NCOA4: variants seen among roughly 807,000 people sequenced by gnomAD.
NCOA4 encodes the protein 70 kDa AR-activator.
A neutral mutation model predicts 69.5 loss-of-function variants in NCOA4; 31 were observed. That is an observed-to-expected ratio of 0.45 (90% CI 0.34 to 0.60). NCOA4 has a LOEUF of 0.60. Among genes scored for constraint, NCOA4 ranks in the 20% least tolerant of loss-of-function variants. The pLI is 0.02. For missense variants in NCOA4, 600 were observed against 719.2 expected, an observed-to-expected ratio of 0.83 and a Z score of 1.90; for synonymous variants, 228 against 252.4, an observed-to-expected ratio of 0.90 and a Z score of 0.92.
intron 1 of NCOA4, chr10:46,023,590 G>C (rs1840015279): frequency 1.1e-6 from 1 of 932,184 alleles, no homozygotes; most frequent in African/African-American, 1.8e-5. Flanking sequence ...CTCCCCGCTG[G>C]GCCTCCCTGC....
In NCOA4 at chr10:46,010,801, C is replaced by T. The variant is rs1839160369; in HGVS notation, c.1120G>A (p.Glu374Lys). The change falls in exon 8 of 10, where the codon GAG becomes AAG. Residue 374 changes from glutamate (E) to lysine (K), a missense_variant. By Grantham distance (56) the Glu-to-Lys change is moderately conservative. Coordinates refer to ENST00000581486, the MANE Select transcript of NCOA4 (RefSeq NM_001145263.2). ...GGGGTGGACAATGGTTTCTTGGCCT[C>T]CAAGTGGTCATTCAGGCACTTCAGA... Reference protein sequence around the residue: ...GNLKCLNDHLEAKKPLSTPSM... With the variant: ...GNLKCLNDHLKAKKPLSTPSM... 1 of 1,613,794 alleles carries T rather than the reference C, an allele frequency of 6.2e-7. No homozygotes were observed. The highest frequency in any genetic ancestry group is 8.5e-7 in the Non-Finnish European group (1 of 1,179,872).
rs1554921358 is a variant in NCOA4 at position 46,011,061 on chromosome 10, T to C, written c.860A>G (p.Lys287Arg). Residue 287 changes from lysine to arginine, a missense_variant, in exon 8 of 10, where the codon AAG becomes AGG. Coordinates refer to ENST00000581486, the MANE Select transcript of NCOA4 (RefSeq NM_001145263.2). Reference sequence around the variant, plus strand: ...ATCAGGAAGCTCTTGATCTCCAACCTTTTCCATTTCAATGGAGAAAGAACT... The same window carrying C: ...ATCAGGAAGCTCTTGATCTCCAACCCTTTCCATTTCAATGGAGAAAGAACT... ...TTSSFSIEME[K>R]VGDQELPDQD... is the part of the protein sequence containing the mutation. 2.0e-5 allele frequency: 32 copies of C among 1,613,932 alleles called. No homozygotes were observed. Among genetic ancestry groups the C allele is most frequent in the Middle Eastern group, 1.7e-4 (1 of 6,056 alleles).
At chr10:46,024,910 T>C (rs1327055997) in intron 1 of NCOA4, among the ~76,000 whole-genome samples, 1 of 152,300 alleles carries the variant, frequency 6.6e-6, no homozygotes. Flanking sequence ...ATAAGGCTCC[T>C]GAGTTAGGGT....
At chr10:46,007,171 TC>T (rs1326356726) in intron 9 of NCOA4, among the ~76,000 whole-genome samples, 1 of 152,186 alleles carries the variant, frequency 6.6e-6, no homozygotes, top group Non-Finnish European at 1.5e-5. Context: ...CAGCCTTATT[TC>T]TGATATGGAG....
intron 1 of NCOA4, among the ~76,000 whole-genome samples, chr10:46,017,809 G>C (rs1590168553): frequency 6.6e-6 from 1 of 152,168 alleles, no homozygotes; most frequent in South Asian, 2.1e-4. Flanking sequence ...TAACACATGA[G>C]TGTCAGTAAA....
intron 8 of NCOA4, among the ~76,000 whole-genome samples, chr10:46,009,783 C>CA (rs1839091718): frequency 6.6e-6 from 1 of 152,056 alleles, no homozygotes; most frequent in Admixed American, 6.6e-5. Context: ...GGAAAATGCA[C>CA]AAAAAAATCA....
At chr10:46,022,360 C>T (rs782563096) in intron 1 of NCOA4, 1 of 445,480 alleles carries the variant, frequency 2.2e-6, no homozygotes, top group Admixed American at 2.8e-5. Flanking sequence ...GTCTGTAAAG[C>T]TTTTAGTTTA....
intron 4 of NCOA4, 85 bp downstream of exon 4, chr10:46,014,769 C>G (rs1384869410): frequency 4.6e-6 from 5 of 1,094,182 alleles, no homozygotes; most frequent in African/African-American, 1.6e-5. Flanking sequence ...AAATATAACA[C>G]AAGCAATGAG....
chr10:46,016,486 A>C (rs1428195038), intron 2 of NCOA4, 54 bp downstream of exon 2: 4 of 1,368,066 alleles, frequency 2.9e-6, no homozygotes, highest in Non-Finnish European at 2.9e-6. Context: ...GCCATGCTCA[A>C]ATCAGCCCTG....
At chr10:46,016,790 T>C in intron 1 of NCOA4, 96 bp from the exon 2 acceptor site, 1 of 823,230 alleles carries the variant, frequency 1.2e-6, no homozygotes. Flanking sequence ...CCAACTCCCA[T>C]TACTAACTAC....
chr10:46,022,100 A>T (rs1839904533), intron 1 of NCOA4, among the ~76,000 whole-genome samples: 1 of 152,170 alleles, frequency 6.6e-6, no homozygotes, highest in Non-Finnish European at 1.5e-5. Context: ...ATTCGTCTGT[A>T]AGAATGAAAG....
At chr10:46,019,079 C>T (rs1251129111) in intron 1 of NCOA4, among the ~76,000 whole-genome samples, 5 of 152,148 alleles carry the variant, frequency 3.3e-5, no homozygotes, top group African/African-American at 9.7e-5. Context: ...CTGAACAATT[C>T]AGGAAATTTT....
chr10:46,028,987 A>G (rs1840308729), intron 1 of NCOA4, among the ~76,000 whole-genome samples: 1 of 147,518 alleles, frequency 6.8e-6, no homozygotes, highest in Admixed American at 6.8e-5. Context: ...GTTTTATGAA[A>G]CCCCTACACC....
intron 1 of NCOA4, among the ~76,000 whole-genome samples, chr10:46,022,749 G>A (rs1439257332): frequency 6.6e-6 from 1 of 152,154 alleles, no homozygotes; most frequent in African/African-American, 2.4e-5. Context: ...ACAAGCGTGA[G>A]CCACCGCGCC....
In NCOA4 at chr10:46,009,477, A is replaced by G. The variant is rs782435834; in HGVS notation, c.1773T>C (p.Cys591=). The G allele has an allele frequency of 1.9e-6, 3 of 1,612,454 alleles. No individual in the cohort carries two copies. Among genetic ancestry groups the G allele is most frequent in the Non-Finnish European group, 2.5e-6 (3 of 1,179,874 alleles). ...TAAGCTGCATACAGGCAAAGAGATC[A>G]CAAACTGCAGGGAGGCCATAATGGT... ...PPDHYGLPAV[C]DLFACMQLKV... The change falls in exon 9 of 10, where the codon TGT becomes TGC. Residue 591 remains cysteine, a synonymous_variant. Coordinates refer to ENST00000581486, the MANE Select transcript of NCOA4 (RefSeq NM_001145263.2).
intron 1 of NCOA4, among the ~76,000 whole-genome samples, chr10:46,026,741 GACTTA>G (rs1348696618): frequency 1.3e-5 from 2 of 152,118 alleles, no homozygotes; most frequent in Non-Finnish European, 2.9e-5. Flanking sequence ...AGTATTAAAA[GACTTA>G]ACTTCTCACC....
In NCOA4 at chr10:46,010,656, C is replaced by G; in HGVS notation, c.1265G>C (p.Cys422Ser). The change falls in exon 8 of 10, where the codon TGT (cysteine) becomes TCT (serine). Residue 422 changes from cysteine (C) to serine (S), a missense_variant. Cys to Ser is a moderately radical substitution (Grantham distance 112). Transcript: ENST00000581486. ...CCACTTATACAGAGCCTCCTTCTCA[C>G]AATTCTCATCACACACACACTCTGC... is the stretch of plus-strand genomic sequence containing the variant. ...SFAECVCDENCEKEALYKWLL... is the reference protein window; with the variant it reads ...SFAECVCDENSEKEALYKWLL... 1 of 1,614,202 alleles carries G rather than the reference C, an allele frequency of 6.2e-7. No homozygotes were observed. The highest frequency in any genetic ancestry group is 8.5e-7 in the Non-Finnish European group (1 of 1,180,038).
chr10:46,009,481 AC>A lies in NCOA4; in HGVS notation c.1768del (p.Val590PhefsTer32). The A allele has an allele frequency of 6.2e-7, 1 of 1,612,188 alleles. No individual in the cohort carries two copies. Among genetic ancestry groups the A allele is most frequent in the Non-Finnish European group, 8.5e-7 (1 of 1,179,736 alleles). ...FPPDHYGLPA[V>X]CDLFACMQLK... ...CTGCATACAGGCAAAGAGATCACAAACTGCAGGGAGGCCATAATGGTCTGGG... is the reference window on the plus strand; with the variant it reads ...CTGCATACAGGCAAAGAGATCACAAATGCAGGGAGGCCATAATGGTCTGGG... On this transcript the variant is annotated frameshift_variant, in exon 9 of 10. Coordinates refer to ENST00000581486, the MANE Select transcript of NCOA4 (RefSeq NM_001145263.2). LOFTEE classifies it high-confidence loss of function.
At chr10:46,023,587 C>T in intron 1 of NCOA4, 1 of 932,372 alleles carries the variant, frequency 1.1e-6, no homozygotes, top group Non-Finnish European at 1.3e-6. Flanking sequence ...TCCCTCCCCG[C>T]TGGGCCTCCC....
Sources: allele counts gnomAD v4.1 joint callset (sites outside exome capture counted in the v4.1 genomes callset), GRCh38; gene constraint gnomAD v4.1.1; transcripts MANE v1.5; gene names NCBI Gene and HGNC (gene_info 2026-07-23, HGNC 2026-07-21).